TTC28: variants seen among roughly 807,000 people sequenced by gnomAD.
The protein encoded by TTC28 is tetratricopeptide repeat protein 28.
TTC28 carries 61 observed loss-of-function variants against 198.0 expected under a neutral mutation model. The observed-to-expected ratio is 0.31, with a 90% CI of 0.25 to 0.38. TTC28 has a LOEUF of 0.38. Ranked by LOEUF, TTC28 falls within the 10% of genes least tolerant of loss-of-function variation. The probability of loss-of-function intolerance (pLI) is 1.00; values close to 1 mark genes in which losing one functional copy is unlikely to be tolerated. For synonymous variants in TTC28, 1,171 were observed against 1,297.8 expected (o/e 0.90, Z 2.10); for missense variants, 2,678 against 3,164.0 (o/e 0.85, Z 3.69).
At chr22:28,243,004 A>G (rs914619075) in intron 5 of TTC28, among the ~76,000 whole-genome samples, 1 of 150,430 alleles carries the variant, frequency 6.6e-6, no homozygotes, top group Non-Finnish European at 1.5e-5. Flanking sequence ...AATCAATCTG[A>G]CAGAGTCATT....
intron 6 of TTC28, among the ~76,000 whole-genome samples, chr22:28,120,357 G>GC (rs1304329055): frequency 6.6e-6 from 1 of 152,036 alleles, no homozygotes; most frequent in Admixed American, 6.6e-5. Flanking sequence ...TGCTTTCAAC[G>GC]CCCTGGGACC....
chr22:28,382,930 C>T, intron 2 of TTC28, among the ~76,000 whole-genome samples: 1 of 152,130 alleles, frequency 6.6e-6, no homozygotes, highest in East Asian at 1.9e-4. Context: ...CACCTAAATT[C>T]CTCTAAACAA....
intron 13 of TTC28, among the ~76,000 whole-genome samples, chr22:28,015,749 T>C (rs1938345972): frequency 6.6e-6 from 1 of 151,902 alleles, no homozygotes. Context: ...TAACCTCGAT[T>C]TAGACACTGT....
chr22:28,008,361 C>T (rs1424664365), intron 14 of TTC28: 1 of 152,188 alleles, frequency 6.6e-6, no homozygotes, highest in Non-Finnish European at 1.5e-5. Flanking sequence ...AGCTCCAGTG[C>T]TTGGAAAGCA....
At chr22:27,996,884 A>C (rs895951593) in intron 16 of TTC28, among the ~76,000 whole-genome samples, 2 of 152,026 alleles carry the variant, frequency 1.3e-5, no homozygotes, top group South Asian at 4.2e-4. Flanking sequence ...GTAACAAGAG[A>C]GCATCACTAA....
At chr22:28,190,867 G>C (rs910132501) in intron 5 of TTC28, among the ~76,000 whole-genome samples, 1 of 151,988 alleles carries the variant, frequency 6.6e-6, no homozygotes, top group African/African-American at 2.4e-5. Context: ...CTCCCACTCT[G>C]GGCCTCTTTT....
At chr22:28,454,166 A>C (rs183313162) in intron 2 of TTC28, among the ~76,000 whole-genome samples, 1 of 152,268 alleles carries the variant, frequency 6.6e-6, no homozygotes, top group African/African-American at 2.4e-5. Flanking sequence ...AAATGATTAC[A>C]TACCCTATTA....
At chr22:28,454,965 G>A (rs778175955) in intron 2 of TTC28, among the ~76,000 whole-genome samples, 12 of 152,272 alleles carry the variant, frequency 7.9e-5, no homozygotes, top group South Asian at 6.2e-4. Context: ...CTTTTTCTTC[G>A]TATTTCAAAA....
At chr22:28,159,723 C>T (rs1057384047) in intron 6 of TTC28, among the ~76,000 whole-genome samples, 2 of 151,658 alleles carry the variant, frequency 1.3e-5, no homozygotes, top group Non-Finnish European at 2.9e-5. Context: ...GATATATACC[C>T]ACAAGAAAGG....
At chr22:28,623,599 T>C (rs969994334) in intron 2 of TTC28, among the ~76,000 whole-genome samples, 14 of 152,218 alleles carry the variant, frequency 9.2e-5, no homozygotes, top group Non-Finnish European at 4.4e-5. Context: ...ATACATGTTC[T>C]TTCCAAGTGT....
chr22:28,332,912 T>C (rs183239227), intron 2 of TTC28, among the ~76,000 whole-genome samples: 173 of 152,206 alleles, frequency 1.1e-3, no homozygotes, highest in African/African-American at 3.9e-3. Context: ...ATAGTTCTAA[T>C]GGCTCCTAAT....
chr22:28,547,495 C>G (rs1250530567), intron 2 of TTC28, among the ~76,000 whole-genome samples: 1 of 152,098 alleles, frequency 6.6e-6, no homozygotes, highest in Non-Finnish European at 1.5e-5. Flanking sequence ...TTGTCTCTCC[C>G]TTATAAAGTA....
At chr22:28,595,178 C>T (rs1036798563) in intron 2 of TTC28, among the ~76,000 whole-genome samples, 15 of 152,084 alleles carry the variant, frequency 9.9e-5, no homozygotes, top group Non-Finnish European at 1.5e-5. Flanking sequence ...AGGGCTTATA[C>T]ACCATTTTGC....
At position 28,212,304 on chromosome 22, in the gene TTC28, C is replaced by T. The variant is rs545989819; in HGVS notation, c.934-48705G>A. 6.9e-4 allele frequency among the ~76,000 whole-genome samples: 105 copies of T among 151,554 alleles called. No homozygotes were observed. In the East Asian group the frequency reaches 7.4e-3, roughly 11 times the overall value. On this transcript the variant is annotated intron_variant, in intron 5 of 22. Coordinates refer to ENST00000397906, the MANE Select transcript of TTC28 (RefSeq NM_001145418.2). ...AGCAGAACTGAAGGAGATAGAGACA[C>T]AAAAAACCCTTCAAAAAATCAAGGA...
At position 28,150,338 on chromosome 22, in the gene TTC28, T is replaced by C. The variant is rs1407533899; in HGVS notation, c.1441+12754A>G. ...TTGGAATCTTCATCTCTAAATATTATCTTCAAATAGAATTCTCCATGAAGG... is the reference window on the plus strand; with the variant it reads ...TTGGAATCTTCATCTCTAAATATTACCTTCAAATAGAATTCTCCATGAAGG... On this transcript the variant is annotated intron_variant, in intron 6 of 22. Coordinates refer to ENST00000397906, the MANE Select transcript of TTC28 (RefSeq NM_001145418.2). Among the ~76,000 whole-genome samples, 7 of 152,202 alleles carry C rather than the reference T, an allele frequency of 4.6e-5. No individual in the cohort carries two copies. The East Asian group carries it at 1.3e-3, about 29-fold the overall frequency.
chr22:28,503,479 T>C (rs768899577), intron 2 of TTC28, among the ~76,000 whole-genome samples: 1 of 152,224 alleles, frequency 6.6e-6, no homozygotes. Flanking sequence ...AAACTAGCTT[T>C]ACAACTTACT....
chr22:28,181,511 C>G (rs1038930099), intron 5 of TTC28, among the ~76,000 whole-genome samples: 6 of 152,128 alleles, frequency 3.9e-5, no homozygotes, highest in Non-Finnish European at 2.9e-5. Context: ...TAAAAACTGC[C>G]AGAATTTATA....
chr22:28,200,908 A>T (rs1251161652), intron 5 of TTC28, among the ~76,000 whole-genome samples: 1 of 152,198 alleles, frequency 6.6e-6, no homozygotes, highest in Non-Finnish European at 1.5e-5. Flanking sequence ...TAAATAAGTA[A>T]TATTTTTGTT....
rs960938709 is a variant in TTC28 at position 28,108,372 on chromosome 22, G to A, written c.1473C>T (p.Asp491=). The A allele has an allele frequency of 6.8e-7, 1 of 1,465,404 alleles. No homozygotes were observed. Among genetic ancestry groups the A allele is most frequent in the African/African-American group, 1.4e-5 (1 of 70,340 alleles). 90.8% of individuals were successfully genotyped at this position (1,465,404 alleles called of 1,614,324 possible). A position where few individuals can be genotyped will look rare whatever the true frequency, so the allele number is the denominator to read the frequency against. ...GGGTCTTGTGGAGTTTCAGTGCAGT[G>A]TCATAATCACCTTTCATCTGGTGTA... ...GIIHQMKGDY[D]TALKLHKTHL... The change falls in exon 7 of 23, where the codon GAC becomes GAT. Residue 491 remains aspartate, a synonymous_variant. Coordinates refer to ENST00000397906, the MANE Select transcript of TTC28 (RefSeq NM_001145418.2).
Sources: gnomAD v4.1 joint callset for allele counts (sites outside exome capture counted in the v4.1 genomes callset) on GRCh38, gnomAD v4.1.1 for gene constraint, MANE v1.5 for transcripts, NCBI Gene and HGNC (gene_info 2026-07-23, HGNC 2026-07-21) for gene names.